The following RPS6KA2 variants were observed in gnomAD, a reference collection of about 807,000 sequenced individuals.
RPS6KA2 encodes ribosomal protein S6 kinase alpha-2.
RPS6KA2 carries 42 observed loss-of-function variants against 91.8 expected under a neutral mutation model. The observed-to-expected ratio is 0.46, with a 90% CI of 0.36 to 0.59. The LOEUF is 0.59. RPS6KA2 is among the 20% of genes least tolerant of loss of function. RPS6KA2 has a pLI of 0.00. For synonymous variants in RPS6KA2, 414 were observed against 393.6 expected (o/e 1.05, Z -0.61); for missense variants, 798 against 978.5 (o/e 0.82, Z 2.46).
intron 13 of RPS6KA2, among the ~76,000 whole-genome samples, chr6:166,450,321 GGGGACCACCACA>G (rs1290179524): frequency 2.1e-5 from 3 of 142,950 alleles, no homozygotes; most frequent in African/African-American, 5.2e-5. Flanking sequence ...GGACCACCAG[GGGGACCACCACA>G]GGGACCACCA....
At chr6:166,534,138 T>C (rs997799166) in intron 2 of RPS6KA2, among the ~76,000 whole-genome samples, 20 of 135,128 alleles carry the variant, frequency 1.5e-4, no homozygotes, top group Admixed American at 2.6e-4. Context: ...AGGAGAATGG[T>C]GTGAACCCGG....
At chr6:166,845,063 T>C (rs1460356743) in intron 2 of RPS6KA2, among the ~76,000 whole-genome samples, 1 of 152,164 alleles carries the variant, frequency 6.6e-6, no homozygotes, top group Admixed American at 6.5e-5. Flanking sequence ...GGAGTAACTA[T>C]TCTTATATCA....
intron 2 of RPS6KA2, among the ~76,000 whole-genome samples, chr6:166,744,554 C>T (rs190030379): frequency 5.9e-5 from 9 of 152,326 alleles, no homozygotes; most frequent in South Asian, 2.1e-4. Flanking sequence ...GAGGAGACTG[C>T]GCTGCAGCAG....
intron 2 of RPS6KA2, among the ~76,000 whole-genome samples, chr6:166,823,646 A>C (rs1230054144): frequency 6.6e-6 from 1 of 152,200 alleles, no homozygotes; most frequent in East Asian, 1.9e-4. Context: ...GGGAGCAAGA[A>C]AGTTCCTAGT....
chr6:166,686,651 C>T (rs1183410864), intron 2 of RPS6KA2, among the ~76,000 whole-genome samples: 1 of 152,200 alleles, frequency 6.6e-6, no homozygotes, highest in Non-Finnish European at 1.5e-5. Context: ...CTTCAGCCTC[C>T]TGGCTTCCTC....
At chr6:166,642,138 A>G (rs9366036) in intron 2 of RPS6KA2, among the ~76,000 whole-genome samples, 14,327 of 152,168 alleles carry the variant, frequency 0.094, 816 homozygotes, top group South Asian at 0.19. Context: ...CCGAAAAAAA[A>G]AATCTCTCCA....
chr6:166,841,465 T>A (rs1010446424), intron 2 of RPS6KA2, among the ~76,000 whole-genome samples: 1 of 152,192 alleles, frequency 6.6e-6, no homozygotes, highest in Non-Finnish European at 1.5e-5. Flanking sequence ...AGCCTGAAGA[T>A]GAAAGTGTCA....
intron 2 of RPS6KA2, among the ~76,000 whole-genome samples, chr6:166,713,553 C>T (rs1789927690): frequency 6.6e-6 from 1 of 152,094 alleles, no homozygotes; most frequent in Admixed American, 6.5e-5. Context: ...GGGAGAAATA[C>T]AAAAACATTC....
At chr6:166,692,533 A>G (rs1457176766) in intron 2 of RPS6KA2, among the ~76,000 whole-genome samples, 2 of 152,216 alleles carry the variant, frequency 1.3e-5, no homozygotes, top group African/African-American at 4.8e-5. Flanking sequence ...ACATAGGAAC[A>G]AAGTAGAATA....
intron 2 of RPS6KA2, among the ~76,000 whole-genome samples, chr6:166,802,750 A>G (rs1027915934): frequency 7.9e-5 from 12 of 152,248 alleles, no homozygotes; most frequent in Non-Finnish European, 1.8e-4. Context: ...CTACATCAGA[A>G]TAAAGTTTAG....
chr6:166,571,518 C>G (rs1308089662), intron 1 of RPS6KA2, among the ~76,000 whole-genome samples: 2 of 152,216 alleles, frequency 1.3e-5, no homozygotes, highest in Non-Finnish European at 2.9e-5. Context: ...CGTGTGTGTG[C>G]ATGAATGCAC....
chr6:166,638,085 C>T lies in RPS6KA2; in HGVS notation c.124-99301G>A, dbSNP rs750713278. Among the ~76,000 whole-genome samples, 3 of 152,398 alleles carry T rather than the reference C, an allele frequency of 2.0e-5. No individual in the cohort carries two copies. In the South Asian group the frequency reaches 6.2e-4, roughly 32 times the overall value. On this transcript the variant is annotated intron_variant, in intron 2 of 21. Transcript: ENST00000503859. ...TGTGTGAAAACAGCAGCACCAACTC[C>T]GGCTGACAATTTAAAGTGGTCTTGA...
At chr6:166,840,299 G>A (rs935721049) in intron 2 of RPS6KA2, among the ~76,000 whole-genome samples, 1 of 152,116 alleles carries the variant, frequency 6.6e-6, no homozygotes. Flanking sequence ...AAGTCTTGGT[G>A]GTTTCCATGC....
At position 166,586,441 on chromosome 6, in the gene RPS6KA2, C is replaced by T; in HGVS notation, c.99+40480G>A. 2 of 1,599,814 alleles carry T rather than the reference C, an allele frequency of 1.3e-6. 1 individual carries two copies. ...TCTGTGAATCTACTAGCAAACATCT[C>T]TTCAAAATTTGGAACAGCTTCGGCA... On this transcript the variant is annotated intron_variant, in intron 1 of 20. Coordinates refer to ENST00000265678, the MANE Select transcript of RPS6KA2 (RefSeq NM_021135.6).
chr6:166,531,461 C>T lies in RPS6KA2; in HGVS notation c.217-148G>A, dbSNP rs935495220. On this transcript the variant is annotated intron_variant, in intron 2 of 20. Coordinates refer to ENST00000265678, the MANE Select transcript of RPS6KA2 (RefSeq NM_021135.6). ...GAGAATTTAAAATTTTCTCCAACGT[C>T]AAGGCTGCCGGAAAATGCTCTAAGT... 7 of 646,642 alleles carry T rather than the reference C, an allele frequency of 1.1e-5. No homozygotes were observed. In the African/African-American group the frequency reaches 1.3e-4, roughly 12 times the overall value. 40.1% of individuals were successfully genotyped at this position (646,642 alleles called of 1,614,324 possible). A position where few individuals can be genotyped will look rare whatever the true frequency, so the allele number is the denominator to read the frequency against.
chr6:166,564,710 CAAAT>C (rs1784441856), intron 1 of RPS6KA2, among the ~76,000 whole-genome samples: 1 of 152,160 alleles, frequency 6.6e-6, no homozygotes, highest in Admixed American at 6.5e-5. Flanking sequence ...TCCAAATACA[CAAAT>C]AACGCAGTCT....
Position 166,435,787 on chromosome 6 carries a change from G to C in RPS6KA2, c.1333-3297C>G, listed in dbSNP as rs1177905342. Among the ~76,000 whole-genome samples the C allele has an allele frequency of 6.6e-6, 1 of 152,246 alleles. No homozygotes were observed. The highest frequency in any genetic ancestry group is 1.5e-5 in the Non-Finnish European group (1 of 68,042). On this transcript the variant is annotated intron_variant, in intron 14 of 20. Transcript: ENST00000265678. The surrounding 1 kb of genome is among the most constrained non-coding windows in gnomAD (Gnocchi z 4.3). ...GGCTTGGCCTGTGGCCATGTCACTT[G>C]CTGGTACTTGAATGTGGGTGTCTGC...
intron 15 of RPS6KA2, among the ~76,000 whole-genome samples, chr6:166,430,814 G>A (rs1779102232): frequency 6.6e-6 from 1 of 152,154 alleles, no homozygotes; most frequent in African/African-American, 2.4e-5. Context: ...GAAGAAAACG[G>A]CTTTAATAAT....
At chr6:166,652,495 C>T (rs1040140475) in intron 2 of RPS6KA2, among the ~76,000 whole-genome samples, 10 of 152,128 alleles carry the variant, frequency 6.6e-5, no homozygotes, top group African/African-American at 2.4e-4. Flanking sequence ...TGGAGGTTGT[C>T]TTCTCGATGG....
Sources: allele counts gnomAD v4.1 joint callset (sites outside exome capture counted in the v4.1 genomes callset), GRCh38; gene constraint gnomAD v4.1.1; non-coding constraint Gnocchi (gnomAD v3.1); transcripts MANE v1.5; gene names NCBI Gene and HGNC (gene_info 2026-07-23, HGNC 2026-07-21).